Variants in ARPC1B observed in about 807,000 individuals in gnomAD.
The protein encoded by ARPC1B is actin related protein 2/3 complex subunit 1B.
Under a neutral mutation model 46.0 loss-of-function variants are expected in ARPC1B, and 29 were observed. The ratio of observed to expected loss-of-function variants is 0.63; its 90% CI spans 0.47 to 0.86. The LOEUF (loss-of-function observed/expected upper bound fraction) is 0.86, where lower values mean the gene tolerates loss of function less well. Among genes scored for constraint, ARPC1B ranks in the 40% least tolerant of loss-of-function variants. ARPC1B has a pLI of 0.00. For synonymous variants in ARPC1B, 201 were observed against 213.9 expected, an observed-to-expected ratio of 0.94 and a Z score of 0.53; for missense variants, 469 against 529.4, an observed-to-expected ratio of 0.89 and a Z score of 1.12.
At chr7:99,377,098 A>G (rs1206460193) in intron 1 of ARPC1B, among the ~76,000 whole-genome samples, 1 of 151,828 alleles carries the variant, frequency 6.6e-6, no homozygotes, top group Non-Finnish European at 1.5e-5. Context: ...TTTAGCCCCA[A>G]ACTCCTGGGC....
chr7:99,385,628 TG>T, intron 1 of ARPC1B, 73 bp from the exon 2 acceptor site: 1 of 1,322,178 alleles, frequency 7.6e-7, no homozygotes, highest in Non-Finnish European at 1.1e-6. Flanking sequence ...GAGGATCATC[TG>T]GGGCCTGGTA....
chr7:99,378,779 T>TC (rs1434105147), intron 1 of ARPC1B, among the ~76,000 whole-genome samples: 3 of 131,940 alleles, frequency 2.3e-5, no homozygotes, highest in East Asian at 4.2e-4. Context: ...TTTTTCTTTT[T>TC]TTTTTTTTTT....
chr7:99,376,997 T>C (rs1333710737), intron 1 of ARPC1B, among the ~76,000 whole-genome samples: 1 of 152,144 alleles, frequency 6.6e-6, no homozygotes, highest in Non-Finnish European at 1.5e-5. Context: ...TGTCTGTACA[T>C]AATCCATTGA....
intron 1 of ARPC1B, among the ~76,000 whole-genome samples, chr7:99,382,879 C>G (rs1441029282): frequency 7.9e-6 from 1 of 126,510 alleles, no homozygotes; most frequent in Non-Finnish European, 1.6e-5. Context: ...GAGTCTTGCT[C>G]TGTTGCCCAG....
intron 3 of ARPC1B, among the ~76,000 whole-genome samples, chr7:99,387,502 C>T (rs565558899): frequency 3.3e-5 from 5 of 152,188 alleles, no homozygotes; most frequent in African/African-American, 9.6e-5. Context: ...CTTTGGGAGG[C>T]GGAGGCGGGC....
At chr7:99,392,322 T>C (rs895261744) in intron 7 of ARPC1B, among the ~76,000 whole-genome samples, 2 of 152,166 alleles carry the variant, frequency 1.3e-5, no homozygotes, top group Non-Finnish European at 2.9e-5. Context: ...AAGTCCCTTT[T>C]CACCCCTCTG....
chr7:99,384,286 T>C (rs910437199), intron 1 of ARPC1B: 37 of 152,366 alleles, frequency 2.4e-4, no homozygotes, highest in African/African-American at 8.7e-4. Flanking sequence ...AGGGCTGCAG[T>C]CAAACATCTC....
rs761214014 is a variant in ARPC1B at position 99,391,201 on chromosome 7, C to T, written c.731C>T (p.Thr244Ile). The T allele has an allele frequency of 6.2e-7, 1 of 1,614,096 alleles. No homozygotes were observed. Among genetic ancestry groups the T allele is most frequent in the Admixed American group, 1.7e-5 (1 of 60,014 alleles). Residue 244 changes from threonine to isoleucine, a missense_variant, in exon 7 of 10, where the codon ACA becomes ATA. By Grantham distance (89) the Thr-to-Ile change is moderately conservative (BLOSUM62 -1). Coordinates refer to ENST00000646101, the MANE Select transcript of ARPC1B (RefSeq NM_005720.4). ...AGCGTCGCGACTCTGGCCTCTGAAA[C>T]ACTACCACTGCTGGCGCTGACCTTC... is the stretch of plus-strand genomic sequence containing the variant. ...KMAVATLASE[T>I]LPLLALTFIT...
At chr7:99,393,550 G>A (rs1295755478) in intron 8 of ARPC1B, among the ~76,000 whole-genome samples, 1 of 152,040 alleles carries the variant, frequency 6.6e-6, no homozygotes, top group Non-Finnish European at 1.5e-5. Context: ...GGATGGGGAA[G>A]AGGCTCTTCA....
chr7:99,380,426 C>A (rs964103768), intron 1 of ARPC1B, among the ~76,000 whole-genome samples: 1 of 152,174 alleles, frequency 6.6e-6, no homozygotes, highest in Non-Finnish European at 1.5e-5. Flanking sequence ...CACTTCTTTG[C>A]CCCATTTAAG....
At chr7:99,382,841 CCTT>C (rs1166570686) in intron 1 of ARPC1B, among the ~76,000 whole-genome samples, 1 of 141,572 alleles carries the variant, frequency 7.1e-6, no homozygotes, top group Non-Finnish European at 1.5e-5. Flanking sequence ...TCATTCCTAA[CCTT>C]TTTTTTTTTT....
At chr7:99,386,263 AGAG>A (rs1794388399) in intron 2 of ARPC1B, 3 of 355,808 alleles carry the variant, frequency 8.4e-6, no homozygotes, top group East Asian at 7.2e-5. Flanking sequence ...AAAAAAAAAA[AGAG>A]AGAAAGAAAG....
At position 99,394,491 on chromosome 7, in the gene ARPC1B, C is replaced by A. The variant is rs1794701303; in HGVS notation, c.*2C>A. 1 of 1,613,876 alleles carries A rather than the reference C, an allele frequency of 6.2e-7. No homozygotes were observed. Among genetic ancestry groups the A allele is most frequent in the Non-Finnish European group, 8.5e-7 (1 of 1,180,020 alleles). ...TTGAAGGACCTCAAGATCAAATGAC[C>A]TGTGAGGAATATGTTGCCTTCATCC... On this transcript the variant is annotated 3_prime_UTR_variant, in exon 10 of 10. Coordinates refer to ENST00000646101, the MANE Select transcript of ARPC1B (RefSeq NM_005720.4).
intron 1 of ARPC1B, among the ~76,000 whole-genome samples, chr7:99,378,263 G>C (rs929962891): frequency 9.9e-5 from 15 of 151,334 alleles, no homozygotes; most frequent in African/African-American, 3.6e-4. Context: ...ATAGACACAG[G>C]GTTTTGCCAT....
At chr7:99,385,554 T>C (rs1794364623) in intron 1 of ARPC1B, 148 bp from the exon 2 acceptor site, 5 of 669,838 alleles carry the variant, frequency 7.5e-6, no homozygotes, top group Non-Finnish European at 1.0e-5. Context: ...GGCTGGCCCC[T>C]GCTGCTCCTC....
intron 1 of ARPC1B, chr7:99,377,257 C>G (rs2150884714): frequency 6.6e-6 from 1 of 152,206 alleles, no homozygotes; most frequent in Non-Finnish European, 1.5e-5. Flanking sequence ...CCTTGGCCTC[C>G]CAAAGTGCTG....
At position 99,374,799 on chromosome 7, in the gene ARPC1B, G is replaced by C. The variant is rs1793982785; in HGVS notation, c.-14+18G>C. On this transcript the variant is annotated intron_variant, in intron 1 of 9. Transcript: ENST00000646101. This position sits in a 1 kb window ranked among gnomAD's most constrained non-coding sequence, Gnocchi z 5.0. ...CGCGGGAGGTGAGGGCCGTGGGGGC[G>C]CCCGGAGGTGGGGGTCAGGGGAGCC... 1 of 152,122 alleles carries C rather than the reference G, an allele frequency of 6.6e-6. No homozygotes were observed. Among genetic ancestry groups the C allele is most frequent in the African/African-American group, 2.4e-5 (1 of 41,330 alleles). 9.4% of individuals were successfully genotyped at this position (152,122 alleles called of 1,614,324 possible).
chr7:99,376,650 T>G (rs1044248541), intron 1 of ARPC1B: 1 of 152,128 alleles, frequency 6.6e-6, no homozygotes, highest in African/African-American at 2.4e-5. Context: ...GCAGGCAGAT[T>G]ACCTGAGGTC....
chr7:99,386,567 A>C (rs753135529), intron 2 of ARPC1B, 118 bp from the exon 3 acceptor site: 48 of 872,754 alleles, frequency 5.5e-5, no homozygotes, highest in Admixed American at 1.0e-4. Flanking sequence ...GCAAGGCAGA[A>C]GAGGAGAGAC....
Sources: allele counts gnomAD v4.1 joint callset (sites outside exome capture counted in the v4.1 genomes callset), GRCh38; gene constraint gnomAD v4.1.1; non-coding constraint Gnocchi (gnomAD v3.1); transcripts MANE v1.5; gene names NCBI Gene and HGNC (gene_info 2026-07-23, HGNC 2026-07-21).